Variants in DLG2 observed in about 807,000 individuals in gnomAD.
DLG2 encodes disks large homolog 2.
DLG2 carries 45 observed loss-of-function variants against 132.5 expected under a neutral mutation model. The observed-to-expected ratio is 0.34, with a 90% CI of 0.27 to 0.44. The LOEUF (loss-of-function observed/expected upper bound fraction) is 0.44. Ranked by LOEUF, DLG2 falls within the 20% of genes least tolerant of loss-of-function variation. The probability of loss-of-function intolerance (pLI) is 1.00; values close to 1 mark genes in which losing one functional copy is unlikely to be tolerated. For synonymous variants in DLG2, 424 were observed against 419.6 expected, an observed-to-expected ratio of 1.01 and a Z score of -0.13; for missense variants, 1,045 against 1,196.9, an observed-to-expected ratio of 0.87 and a Z score of 1.87.
chr11:84,257,074 C>T (rs996964804), intron 7 of DLG2, among the ~76,000 whole-genome samples: 9 of 152,014 alleles, frequency 5.9e-5, no homozygotes, highest in Non-Finnish European at 8.8e-5. Context: ...CATTAAGTAC[C>T]GGATTAGATA....
intron 6 of DLG2, among the ~76,000 whole-genome samples, chr11:84,627,994 A>G (rs1329189241): frequency 6.6e-6 from 1 of 152,078 alleles, no homozygotes; most frequent in Middle Eastern, 3.2e-3. Context: ...TTTGTCAGGG[A>G]CATATATGAT....
intron 18 of DLG2, among the ~76,000 whole-genome samples, chr11:83,781,288 C>T (rs188850840): frequency 1.3e-5 from 2 of 152,264 alleles, no homozygotes; most frequent in African/African-American, 2.4e-5. Flanking sequence ...CCATGTGACA[C>T]ATTTTACATT....
chr11:84,271,373 G>A (rs982826055), intron 7 of DLG2, among the ~76,000 whole-genome samples: 5 of 152,136 alleles, frequency 3.3e-5, no homozygotes, highest in African/African-American at 1.2e-4. Flanking sequence ...AGTAGCCCAC[G>A]AATTATGAGA....
intron 4 of DLG2, among the ~76,000 whole-genome samples, chr11:85,181,602 C>A (rs1435445451): frequency 6.6e-6 from 1 of 151,682 alleles, no homozygotes; most frequent in Non-Finnish European, 1.5e-5. Context: ...CCAATAGTTG[C>A]ACTCACAAAT....
intron 7 of DLG2, among the ~76,000 whole-genome samples, chr11:84,529,302 G>A (rs1194929326): frequency 6.6e-6 from 1 of 152,114 alleles, no homozygotes; most frequent in Middle Eastern, 3.2e-3. Context: ...AAAGCAATCA[G>A]GCAAGAGAAA....
chr11:85,284,534 A>G (rs2078437877), intron 4 of DLG2, among the ~76,000 whole-genome samples: 1 of 151,858 alleles, frequency 6.6e-6, no homozygotes, highest in South Asian at 2.1e-4. Context: ...CTGCCACTTA[A>G]AAGTATCCAT....
At chr11:85,509,188 C>A (rs957207794) in intron 3 of DLG2, among the ~76,000 whole-genome samples, 4 of 151,778 alleles carry the variant, frequency 2.6e-5, no homozygotes, top group Non-Finnish European at 4.4e-5. Flanking sequence ...GAATCCCATG[C>A]CTATCTACAC....
At chr11:85,320,816 C>T (rs1032703271) in intron 3 of DLG2, among the ~76,000 whole-genome samples, 5 of 151,696 alleles carry the variant, frequency 3.3e-5, no homozygotes, top group African/African-American at 1.2e-4. Flanking sequence ...CAAAAAGCCA[C>T]AGAGACTGGA....
intron 18 of DLG2, among the ~76,000 whole-genome samples, chr11:83,754,225 T>C (rs2093554852): frequency 3.3e-5 from 5 of 150,906 alleles, no homozygotes; most frequent in South Asian, 2.1e-4. Context: ...ACAAAAACTG[T>C]TAAAATCAAT....
intron 9 of DLG2, among the ~76,000 whole-genome samples, chr11:84,138,492 A>C (rs1022846976): frequency 2.6e-5 from 4 of 152,224 alleles, no homozygotes; most frequent in Admixed American, 2.6e-4. Context: ...AACAGGCTGA[A>C]GACAGCCCGT....
intron 7 of DLG2, among the ~76,000 whole-genome samples, chr11:84,417,355 T>C (rs893314663): frequency 2.0e-5 from 3 of 152,220 alleles, no homozygotes; most frequent in Non-Finnish European, 2.9e-5. Context: ...CAACAAGACA[T>C]GGAAAGTATC....
chr11:85,278,210 G>A (rs1005762974), intron 4 of DLG2, among the ~76,000 whole-genome samples: 3 of 152,110 alleles, frequency 2.0e-5, no homozygotes, highest in African/African-American at 7.2e-5. Context: ...CTTTGATGAA[G>A]ACATTTAACT....
chr11:84,633,878 G>A (rs1230559437), intron 6 of DLG2, among the ~76,000 whole-genome samples: 1 of 152,098 alleles, frequency 6.6e-6, no homozygotes, highest in Admixed American at 6.6e-5. Flanking sequence ...AAAGGCAGCT[G>A]TAACAAGAAA....
chr11:85,009,366 T>C (rs2058959669), intron 6 of DLG2, among the ~76,000 whole-genome samples: 1 of 152,098 alleles, frequency 6.6e-6, no homozygotes, highest in South Asian at 2.1e-4. Context: ...AATCATTTGA[T>C]TGAGCTGCTA....
intron 7 of DLG2, among the ~76,000 whole-genome samples, chr11:84,364,229 C>A (rs1371294107): frequency 2.0e-5 from 3 of 151,876 alleles, no homozygotes; most frequent in Non-Finnish European, 4.4e-5. Context: ...CCTTCACATC[C>A]CTTGTAAGTT....
At chr11:84,457,463 T>C (rs1453087068) in intron 7 of DLG2, among the ~76,000 whole-genome samples, 4 of 151,074 alleles carry the variant, frequency 2.6e-5, no homozygotes, top group Non-Finnish European at 4.5e-5. Flanking sequence ...AGACAGTATA[T>C]TACAAAGTGC....
At position 85,100,632 on chromosome 11, in the gene DLG2, C is replaced by T. The variant is rs868712274; in HGVS notation, c.357+11029G>A. On this transcript the variant is annotated intron_variant, in intron 6 of 27. Transcript: ENST00000376104. ...GCACTGTTAATAACCAGTAACAGTA[C>T]ACCACCCAAGGCAAATCTCCTTGCA... is the stretch of plus-strand genomic sequence containing the variant. Among the ~76,000 whole-genome samples, 5 of 152,238 alleles carry T rather than the reference C, an allele frequency of 3.3e-5. No individual in the cohort carries two copies. The South Asian group carries it at 1.0e-3, about 32-fold the overall frequency.
At chr11:84,529,418 C>T (rs2154519709) in intron 7 of DLG2, among the ~76,000 whole-genome samples, 1 of 152,230 alleles carries the variant, frequency 6.6e-6, no homozygotes, top group African/African-American at 2.4e-5. Context: ...CCAAAAGCTC[C>T]ATGATCTGAT....
At chr11:84,824,887 C>A (rs1475810169) in intron 6 of DLG2, among the ~76,000 whole-genome samples, 1 of 151,862 alleles carries the variant, frequency 6.6e-6, no homozygotes, top group Admixed American at 6.6e-5. Flanking sequence ...TCAGCCACAT[C>A]TCCCATATTA....
Sources: allele counts gnomAD v4.1 joint callset (sites outside exome capture counted in the v4.1 genomes callset), GRCh38; gene constraint gnomAD v4.1.1; transcripts MANE v1.5; gene names NCBI Gene and HGNC (gene_info 2026-07-23, HGNC 2026-07-21).